The following WDR72 variants were observed in gnomAD, a reference collection of about 807,000 sequenced individuals.
WDR72 encodes WD repeat-containing protein 72.
Under a neutral mutation model 124.2 loss-of-function variants are expected in WDR72, and 120 were observed. That is an observed-to-expected ratio of 0.97 (90% CI 0.83 to 1.12). The LOEUF is 1.12. Ranked by LOEUF, WDR72 falls within the 50% of genes most tolerant of loss-of-function variation. The pLI, the probability that WDR72 is intolerant of heterozygous loss-of-function variation, is 0.00. For missense variants in WDR72, 1,387 were observed against 1,278.8 expected, an observed-to-expected ratio of 1.08 and a Z score of -1.29; for synonymous variants, 452 against 441.7, an observed-to-expected ratio of 1.02 and a Z score of -0.29.
chr15:53,690,072 G>A (rs189025164), intron 13 of WDR72, among the ~76,000 whole-genome samples: 30 of 123,772 alleles, frequency 2.4e-4, no homozygotes, highest in African/African-American at 3.0e-4. Flanking sequence ...GTTGTGGGGT[G>A]GGGGGAGGGG....
intron 18 of WDR72, among the ~76,000 whole-genome samples, chr15:53,589,710 G>T (rs1015827397): frequency 1.3e-5 from 2 of 151,994 alleles, no homozygotes; most frequent in African/African-American, 4.8e-5. Flanking sequence ...TCAATTCCTC[G>T]ATCAGACCAT....
chr15:53,742,046 C>T (rs949445158), intron 1 of WDR72, among the ~76,000 whole-genome samples: 8 of 152,112 alleles, frequency 5.3e-5, no homozygotes, highest in South Asian at 2.1e-4. Flanking sequence ...ATAATTCTTA[C>T]GATCACTTCT....
intron 18 of WDR72, among the ~76,000 whole-genome samples, chr15:53,587,229 G>GT (rs2012258374): frequency 6.6e-6 from 1 of 151,914 alleles, no homozygotes; most frequent in Admixed American, 6.6e-5. Context: ...ACATAACTTT[G>GT]TTTTACATAT....
intron 13 of WDR72, among the ~76,000 whole-genome samples, chr15:53,694,876 A>G (rs1010338014): frequency 2.8e-4 from 43 of 152,214 alleles, no homozygotes; most frequent in African/African-American, 1.0e-3. Flanking sequence ...CATCATTCTC[A>G]GGGGTCTGTA....
rs558763666 is a variant in WDR72, at chr15:53,671,128, A to G, written c.1766-5360T>C. On this transcript the variant is annotated intron_variant, in intron 13 of 19. Transcript: ENST00000360509. ...ATATGACATCAACAACCTGCTCATG[A>G]TTTTTTTTTAACTGGCGCTGCACTT... is the stretch of plus-strand genomic sequence containing the variant. Among the ~76,000 whole-genome samples, 4 of 151,782 alleles carry G rather than the reference A, an allele frequency of 2.6e-5. No individual in the cohort carries two copies. In the South Asian group the frequency reaches 6.3e-4, roughly 24 times the overall value.
At chr15:53,747,560 G>T (rs988381587) in intron 1 of WDR72, among the ~76,000 whole-genome samples, 1 of 152,130 alleles carries the variant, frequency 6.6e-6, no homozygotes, top group South Asian at 2.1e-4. Flanking sequence ...TCATGACCTG[G>T]AACACATATA....
Position 53,517,393 on chromosome 15 carries a change from T to G in WDR72, c.*306A>C, listed in dbSNP as rs1198448040. 1 of 357,648 alleles carries G rather than the reference T, an allele frequency of 2.8e-6. No individual in the cohort carries two copies. The highest frequency in any genetic ancestry group is 2.1e-5 in the African/African-American group (1 of 47,846). The allele number at this position is 357,648 out of a possible 1,614,324, so 22.2% of individuals were successfully genotyped here. On this transcript the variant is annotated 3_prime_UTR_variant, in exon 20 of 20. Coordinates refer to ENST00000360509, the MANE Select transcript of WDR72 (RefSeq NM_182758.4). ...AGAAAATTTAAAGCAGTATTAAATT[T>G]GTGTCTGTGGACTGGCATTCCCTGT...
intron 14 of WDR72, among the ~76,000 whole-genome samples, chr15:53,623,479 T>TTATATATATATA (rs139646158): frequency 1.3e-5 from 2 of 149,498 alleles, no homozygotes; most frequent in African/African-American, 2.5e-5. Flanking sequence ...TAGCATTATA[T>TTATATATATATA]TATATATATA....
chr15:53,623,514 T>C (rs1037387931), intron 14 of WDR72, among the ~76,000 whole-genome samples: 3 of 147,220 alleles, frequency 2.0e-5, no homozygotes, highest in Non-Finnish European at 4.4e-5. Flanking sequence ...CACATACACA[T>C]ACACACACAC....
intron 18 of WDR72, among the ~76,000 whole-genome samples, chr15:53,531,179 G>A (rs563534379): frequency 6.6e-6 from 1 of 152,176 alleles, no homozygotes; most frequent in Non-Finnish European, 1.5e-5. Context: ...TACTCTGAAT[G>A]TGACTTATTT....
At chr15:53,527,507 T>G (rs1595730612) in intron 18 of WDR72, among the ~76,000 whole-genome samples, 1 of 151,998 alleles carries the variant, frequency 6.6e-6, no homozygotes, top group Non-Finnish European at 1.5e-5. Flanking sequence ...TGGAGCCCAT[T>G]GAAAAAACCC....
chr15:53,529,164 A>ATATATATTTTTTT (rs59003623), intron 18 of WDR72, among the ~76,000 whole-genome samples: 25 of 78,152 alleles, frequency 3.2e-4, no homozygotes, highest in Non-Finnish European at 5.3e-4. Flanking sequence ...ATATATATAT[A>ATATATATTTTTTT]TTTTTTTTTT....
At chr15:53,697,853 G>A (rs1462214924) in intron 13 of WDR72, among the ~76,000 whole-genome samples, 1 of 152,058 alleles carries the variant, frequency 6.6e-6, no homozygotes, top group Non-Finnish European at 1.5e-5. Flanking sequence ...CTGTCGCCCA[G>A]GCTGGAATGT....
chr15:53,670,881 T>G (rs2015961589), intron 13 of WDR72, among the ~76,000 whole-genome samples: 1 of 152,172 alleles, frequency 6.6e-6, no homozygotes, highest in Non-Finnish European at 1.5e-5. Context: ...CACTAGAGTC[T>G]GCCTGACACC....
At chr15:53,747,441 T>G (rs1422295154) in intron 1 of WDR72, among the ~76,000 whole-genome samples, 1 of 152,150 alleles carries the variant, frequency 6.6e-6, no homozygotes, top group East Asian at 1.9e-4. Context: ...TAGAAAATAA[T>G]GTGTTTTAGA....
At chr15:53,654,367 A>G (rs1458118013) in intron 14 of WDR72, among the ~76,000 whole-genome samples, 1 of 151,950 alleles carries the variant, frequency 6.6e-6, no homozygotes, top group Non-Finnish European at 1.5e-5. Context: ...CAGATAGAGA[A>G]GTAAGGGCCC....
rs886051278 is a variant in WDR72 at position 53,514,049 on chromosome 15, T to C, written c.*3650A>G. On this transcript the variant is annotated 3_prime_UTR_variant, in exon 20 of 20. Coordinates refer to ENST00000360509, the MANE Select transcript of WDR72 (RefSeq NM_182758.4). The stretch of plus-strand genomic sequence containing the variant: ...CAGTGCGAGGTGATCTGGGGACTAT[T>C]GTACATGAAGCCATGCAGCTTTGTC... 4.6e-5 allele frequency: 7 copies of C among 152,178 alleles called. No individual in the cohort carries two copies. Among genetic ancestry groups the C allele is most frequent in the Non-Finnish European group, 5.9e-5 (4 of 68,036 alleles). The allele number at this position is 152,178 out of a possible 1,614,324, so 9.4% of individuals were successfully genotyped here. A position where few individuals can be genotyped will look rare whatever the true frequency, so the allele number is the denominator to read the frequency against.
chr15:53,543,888 C>A (rs576777977), intron 18 of WDR72, among the ~76,000 whole-genome samples: 1 of 152,132 alleles, frequency 6.6e-6, no homozygotes, highest in African/African-American at 2.4e-5. Context: ...AACACCTCTA[C>A]GCAAATAAAC....
intron 18 of WDR72, among the ~76,000 whole-genome samples, chr15:53,578,681 T>A (rs1413840326): frequency 6.6e-6 from 1 of 152,002 alleles, no homozygotes; most frequent in Non-Finnish European, 1.5e-5. Flanking sequence ...ATCTAAATAA[T>A]CTGCACTTTA....
Sources: gnomAD v4.1 joint callset for allele counts (sites outside exome capture counted in the v4.1 genomes callset) on GRCh38, gnomAD v4.1.1 for gene constraint, MANE v1.5 for transcripts, NCBI Gene and HGNC (gene_info 2026-07-23, HGNC 2026-07-21) for gene names.